LGI1: variants seen among roughly 807,000 people sequenced by gnomAD.
The protein encoded by LGI1 is leucine-rich glioma-inactivated protein 1.
A neutral mutation model predicts 57.7 loss-of-function variants in LGI1; 11 were observed. That is an observed-to-expected ratio of 0.19 (90% CI 0.12 to 0.32). The LOEUF (loss-of-function observed/expected upper bound fraction) is 0.32. Ranked by LOEUF, LGI1 falls within the 10% of genes least tolerant of loss-of-function variation. The pLI is 1.00. For missense variants in LGI1, 422 were observed against 661.9 expected, an observed-to-expected ratio of 0.64 and a Z score of 3.98; for synonymous variants, 222 against 241.9, an observed-to-expected ratio of 0.92 and a Z score of 0.76.
intron 3 of LGI1, 26 bp downstream of exon 3, chr10:93,777,476 AT>A (rs1564845006): frequency 1.2e-6 from 2 of 1,610,950 alleles, no homozygotes; most frequent in Non-Finnish European, 1.7e-6. Flanking sequence ...TTTTTAAAAC[AT>A]GATGATTCAG....
chr10:93,793,043 C>A (rs2059949680), intron 6 of LGI1, 131 bp downstream of exon 6: 2 of 1,154,054 alleles, frequency 1.7e-6, no homozygotes, highest in Admixed American at 2.2e-5. Flanking sequence ...AAATTATGAA[C>A]CATTGACAAT....
chr10:93,764,401 T>A (rs1260414693), intron 2 of LGI1: 1 of 152,192 alleles, frequency 6.6e-6, no homozygotes, highest in Non-Finnish European at 1.5e-5. Context: ...TATAAGGTAG[T>A]CTTGATAAGC....
chr10:93,768,234 G>A (rs1321423661), intron 2 of LGI1: 2 of 152,152 alleles, frequency 1.3e-5, no homozygotes, highest in African/African-American at 4.8e-5. Context: ...GCAGATACTA[G>A]GCAGAGCTGA....
rs564725576 is a variant in LGI1, at chr10:93,764,027, T to C, written c.287+5196T>C. The C allele has an allele frequency of 1.5e-3, 222 of 152,330 alleles. 1 individual carries two copies. The highest frequency in any genetic ancestry group is 4.8e-3 in the African/African-American group (201 of 41,576). 9.4% of individuals were successfully genotyped at this position (152,330 alleles called of 1,614,324 possible). ...CCAAAATAAGTATTTATTTATTGTA[T>C]AGTTGCAAGCAGCAACAAAATGAAA... On this transcript the variant is annotated intron_variant, in intron 2 of 7. Transcript: ENST00000371418.
Position 93,758,583 on chromosome 10 carries a change from C to A in LGI1, c.216-177C>A. 1 of 690,070 alleles carries A rather than the reference C, an allele frequency of 1.4e-6. No homozygotes were observed. Among genetic ancestry groups the A allele is most frequent in the Non-Finnish European group, 2.5e-6 (1 of 399,470 alleles). 42.7% of individuals were successfully genotyped at this position (690,070 alleles called of 1,614,324 possible). ...CAGCCCTGAACATTATCATGAGAAA[C>A]CTGTAGCCGATTCATTTCTCTTACT... On this transcript the variant is annotated intron_variant, in intron 1 of 7. Transcript: ENST00000371418. The surrounding 1 kb of genome is among the most constrained non-coding windows in gnomAD (Gnocchi z 4.7).
intron 7 of LGI1, among the ~76,000 whole-genome samples, chr10:93,795,598 A>T (rs115791762): frequency 1.3e-5 from 2 of 152,144 alleles, no homozygotes; most frequent in South Asian, 4.1e-4. Context: ...TGACAAATAT[A>T]TGCCCCATAC....
In LGI1 at chr10:93,792,930, A is replaced by G; in HGVS notation, c.673+18A>G. 6.2e-7 allele frequency: 1 copy of G among 1,610,474 alleles called. No homozygotes were observed. Among genetic ancestry groups the G allele is most frequent in the Non-Finnish European group, 8.5e-7 (1 of 1,176,754 alleles). ...CATTACAGGTAATGTACTCATCATC[A>G]TTCCACCTCAAAAAATTAAAATAAG... On this transcript the variant is annotated intron_variant, in intron 6 of 7. Transcript: ENST00000371418.
Position 93,781,085 on chromosome 10 carries a change from G to A in LGI1, c.431+3468G>A, listed in dbSNP as rs575130654. ...ACTTAAAAGTTATTATAGGCCGGGC[G>A]TGGTGGCTCACACCTGTAATCCCAG... On this transcript the variant is annotated intron_variant, in intron 4 of 7. Transcript: ENST00000371418. Among the ~76,000 whole-genome samples the A allele has an allele frequency of 7.9e-5, 12 of 152,312 alleles. No homozygotes were observed. In the East Asian group the frequency reaches 1.2e-3, roughly 15 times the overall value.
intron 4 of LGI1, among the ~76,000 whole-genome samples, chr10:93,781,231 C>T (rs947185164): frequency 1.4e-4 from 22 of 151,988 alleles, no homozygotes; most frequent in Admixed American, 8.5e-4. Context: ...TGGTGGTGGG[C>T]GCCTGTAGTC....
chr10:93,765,180 T>TG (rs1397965897), intron 2 of LGI1: 1 of 152,340 alleles, frequency 6.6e-6, no homozygotes, highest in South Asian at 2.1e-4. Flanking sequence ...TGGCCACTAT[T>TG]GGGCTGCGTG....
At chr10:93,766,595 C>G (rs2133985995) in intron 2 of LGI1, among the ~76,000 whole-genome samples, 1 of 143,884 alleles carries the variant, frequency 7.0e-6, no homozygotes, top group Non-Finnish European at 1.5e-5. Context: ...AGCTCCGCCT[C>G]CCGGGTTCAC....
intron 2 of LGI1, among the ~76,000 whole-genome samples, chr10:93,765,903 G>A (rs988908658): frequency 6.6e-6 from 1 of 150,970 alleles, no homozygotes; most frequent in Non-Finnish European, 1.5e-5. Flanking sequence ...CCAGGAGGCG[G>A]AGCTTGCAGT....
chr10:93,785,396 C>A (rs112296134), intron 4 of LGI1, among the ~76,000 whole-genome samples: 3 of 152,148 alleles, frequency 2.0e-5, no homozygotes, highest in African/African-American at 7.2e-5. Context: ...TTAATTCTCA[C>A]AATAAGTGAA....
intron 2 of LGI1, chr10:93,765,821 T>C (rs2059668342): frequency 6.6e-6 from 1 of 151,952 alleles, no homozygotes; most frequent in Non-Finnish European, 1.5e-5. Flanking sequence ...ATACACAAAA[T>C]TAGCCATGCG....
chr10:93,772,032 A>G (rs1209435591), intron 2 of LGI1: 1 of 152,076 alleles, frequency 6.6e-6, no homozygotes, highest in African/African-American at 2.4e-5. Context: ...GAGTTGATGT[A>G]TTTTGTTAAA....
intron 4 of LGI1, chr10:93,789,128 G>A (rs1279693349): frequency 6.6e-6 from 1 of 152,064 alleles, no homozygotes; most frequent in African/African-American, 2.4e-5. Flanking sequence ...AATCATTCTA[G>A]TGATTTACGG....
At chr10:93,796,680 A>G (rs1235166285) in intron 7 of LGI1, among the ~76,000 whole-genome samples, 1 of 152,224 alleles carries the variant, frequency 6.6e-6, no homozygotes, top group Non-Finnish European at 1.5e-5. Context: ...TTCTGCAAGA[A>G]GTAAGAGGAG....
chr10:93,783,889 G>A (rs1195803941), intron 4 of LGI1, among the ~76,000 whole-genome samples: 1 of 152,076 alleles, frequency 6.6e-6, no homozygotes, highest in African/African-American at 2.4e-5. Context: ...GCGTATGCCC[G>A]TAATCCCAGC....
intron 5 of LGI1, chr10:93,792,091 T>A (rs2059941819): frequency 6.6e-6 from 1 of 152,538 alleles, no homozygotes; most frequent in Middle Eastern, 3.4e-3. Flanking sequence ...ACAGTTAAAT[T>A]TAAATTTAAA....
Sources: allele counts gnomAD v4.1 joint callset (sites outside exome capture counted in the v4.1 genomes callset), GRCh38; gene constraint gnomAD v4.1.1; non-coding constraint Gnocchi (gnomAD v3.1); transcripts MANE v1.5; gene names NCBI Gene and HGNC (gene_info 2026-07-23, HGNC 2026-07-21).